MSH3: variants seen among roughly 807,000 people sequenced by gnomAD.
MSH3 encodes DNA mismatch repair protein Msh3.
In MSH3, 106 loss-of-function variants were observed where a neutral mutation model predicts 123.3. The ratio of observed to expected loss-of-function variants is 0.86; its 90% CI spans 0.73 to 1.01. The LOEUF (loss-of-function observed/expected upper bound fraction) is 1.01, where lower values mean the gene tolerates loss of function less well. MSH3 is among the 50% of genes least tolerant of loss of function. MSH3 has a pLI of 0.00. For synonymous variants in MSH3, 515 were observed against 481.4 expected (o/e 1.07, Z -0.91); for missense variants, 1,459 against 1,347.6 (o/e 1.08, Z -1.29).
intron 20 of MSH3, among the ~76,000 whole-genome samples, chr5:80,829,675 A>C (rs1194769570): frequency 2.0e-5 from 3 of 152,136 alleles, no homozygotes. Flanking sequence ...TATGTTCATG[A>C]GAGATATTGG....
chr5:80,668,377 G>T (rs1339636059), intron 3 of MSH3, among the ~76,000 whole-genome samples: 2 of 152,142 alleles, frequency 1.3e-5, no homozygotes, highest in African/African-American at 4.8e-5. Flanking sequence ...CTGCTCAGGA[G>T]CCTGTCTGCC....
chr5:80,807,458 C>T (rs1008548546), intron 19 of MSH3, among the ~76,000 whole-genome samples: 11 of 152,034 alleles, frequency 7.2e-5, no homozygotes, highest in Non-Finnish European at 1.3e-4. Flanking sequence ...TTTGGTAAAT[C>T]AGGGAGTGAC....
chr5:80,768,185 A>T, intron 14 of MSH3, 65 bp downstream of exon 14: 2 of 1,380,458 alleles, frequency 1.4e-6, no homozygotes, highest in South Asian at 1.2e-5. Context: ...TTTGCCATTT[A>T]TTTGTGGATT....
At chr5:80,854,082 A>G in intron 20 of MSH3, 48 bp from the exon 21 acceptor site, 2 of 1,456,578 alleles carry the variant, frequency 1.4e-6, no homozygotes, top group South Asian at 1.2e-5. Flanking sequence ...TCGGCTTCCT[A>G]ATAAGAAAGT....
At chr5:80,845,442 T>C (rs1358464814) in intron 20 of MSH3, among the ~76,000 whole-genome samples, 1 of 152,230 alleles carries the variant, frequency 6.6e-6, no homozygotes, top group Non-Finnish European at 1.5e-5. Context: ...ATTTGAATGT[T>C]GGCCTGCCTT....
At chr5:80,788,460 C>T (rs911713475) in intron 18 of MSH3, among the ~76,000 whole-genome samples, 1 of 151,482 alleles carries the variant, frequency 6.6e-6, no homozygotes, top group Non-Finnish European at 1.5e-5. Flanking sequence ...AATTTTTTTT[C>T]AGACAAAACT....
intron 19 of MSH3, among the ~76,000 whole-genome samples, chr5:80,807,514 A>G (rs977878515): frequency 5.9e-5 from 9 of 152,258 alleles, no homozygotes; most frequent in African/African-American, 1.9e-4. Context: ...AAATGTTTCC[A>G]TAGTGAAAAT....
At chr5:80,761,505 T>G in intron 12 of MSH3, 41 bp from the exon 13 acceptor site, 1 of 1,612,248 alleles carries the variant, frequency 6.2e-7, no homozygotes, top group African/African-American at 1.3e-5. Flanking sequence ...TATTCTGAAT[T>G]CCTAACATAT....
At chr5:80,757,041 G>A (rs1372361133) in intron 12 of MSH3, among the ~76,000 whole-genome samples, 2 of 151,966 alleles carry the variant, frequency 1.3e-5, no homozygotes, top group African/African-American at 4.8e-5. Flanking sequence ...TACACCCCTA[G>A]CAGTTTGTAT....
chr5:80,677,454 C>A (rs186002703), intron 7 of MSH3, among the ~76,000 whole-genome samples: 1 of 152,220 alleles, frequency 6.6e-6, no homozygotes, highest in East Asian at 1.9e-4. Context: ...AACATCTGTA[C>A]CTGGTTTTTG....
chr5:80,694,467 T>A (rs1041360837), intron 8 of MSH3, among the ~76,000 whole-genome samples: 1 of 152,172 alleles, frequency 6.6e-6, no homozygotes, highest in African/African-American at 2.4e-5. Context: ...ACCTTAAATA[T>A]TATAATTGTC....
chr5:80,683,156 G>T (rs769243216), intron 8 of MSH3, among the ~76,000 whole-genome samples: 5 of 152,196 alleles, frequency 3.3e-5, no homozygotes, highest in Non-Finnish European at 5.9e-5. Flanking sequence ...GAATAGTGCT[G>T]TAGTAAACAT....
chr5:80,811,947 T>C (rs1378950673), intron 19 of MSH3, among the ~76,000 whole-genome samples: 2 of 152,208 alleles, frequency 1.3e-5, no homozygotes, highest in African/African-American at 2.4e-5. Flanking sequence ...TATTTTTTAC[T>C]CTCTGTAAAA....
chr5:80,825,051 A>G (rs6151894), intron 20 of MSH3, among the ~76,000 whole-genome samples: 1 of 152,234 alleles, frequency 6.6e-6, no homozygotes, highest in Admixed American at 6.5e-5. Flanking sequence ...CCATTAAATT[A>G]TATCCCTAGG....
chr5:80,796,737 T>C (rs1744705067), intron 19 of MSH3, among the ~76,000 whole-genome samples: 1 of 152,138 alleles, frequency 6.6e-6, no homozygotes, highest in South Asian at 2.1e-4. Flanking sequence ...TCTGCCCGCT[T>C]TTCCTCTCCC....
chr5:80,753,172 T>C (rs951740839), intron 12 of MSH3, among the ~76,000 whole-genome samples: 4 of 152,176 alleles, frequency 2.6e-5, no homozygotes, highest in African/African-American at 4.8e-5. Flanking sequence ...TGCACATCTG[T>C]CTAGAAAGCC....
At chr5:80,714,144 T>TTTC (rs1750910279) in intron 8 of MSH3, among the ~76,000 whole-genome samples, 1 of 144,176 alleles carries the variant, frequency 6.9e-6, no homozygotes, top group Non-Finnish European at 1.5e-5. Flanking sequence ...TTTTTTTTTT[T>TTTC]TTTTTTTTTG....
intron 10 of MSH3, among the ~76,000 whole-genome samples, chr5:80,739,877 T>C (rs1384247266): frequency 6.6e-6 from 1 of 152,228 alleles, no homozygotes; most frequent in African/African-American, 2.4e-5. Flanking sequence ...GGCTCTGATA[T>C]TAGGTTCTCT....
chr5:80,664,012 C>G (rs1749507947), intron 2 of MSH3, among the ~76,000 whole-genome samples: 1 of 152,142 alleles, frequency 6.6e-6, no homozygotes, highest in South Asian at 2.1e-4. Context: ...TAGTAGTGCT[C>G]TAAACGGTGA....
Sources: allele counts gnomAD v4.1 joint callset (sites outside exome capture counted in the v4.1 genomes callset), GRCh38; gene constraint gnomAD v4.1.1; transcripts MANE v1.5; gene names NCBI Gene and HGNC (gene_info 2026-07-23, HGNC 2026-07-21).